The following ARHGAP15 variants were observed in gnomAD, a reference collection of about 807,000 sequenced individuals.
The protein encoded by ARHGAP15 is Rho GTPase activating protein 15.
In ARHGAP15, 51 loss-of-function variants were observed where a neutral mutation model predicts 63.7. That is an observed-to-expected ratio of 0.80 (90% CI 0.64 to 1.01). The LOEUF (loss-of-function observed/expected upper bound fraction) is 1.01, where lower values mean the gene tolerates loss of function less well. Ranked by LOEUF, ARHGAP15 falls within the 50% of genes least tolerant of loss-of-function variation. The pLI is 0.00. For synonymous variants in ARHGAP15, 191 were observed against 193.8 expected, an observed-to-expected ratio of 0.99 and a Z score of 0.12; for missense variants, 560 against 564.6, an observed-to-expected ratio of 0.99 and a Z score of 0.08.
At chr2:143,531,006 G>T (rs1349371277) in intron 10 of ARHGAP15, among the ~76,000 whole-genome samples, 5 of 152,200 alleles carry the variant, frequency 3.3e-5, no homozygotes, top group Admixed American at 6.5e-5. Context: ...AATGTGGTGA[G>T]GAGTGGACAG....
At chr2:143,438,233 C>T (rs1689700532) in intron 8 of ARHGAP15, among the ~76,000 whole-genome samples, 1 of 150,922 alleles carries the variant, frequency 6.6e-6, no homozygotes, top group Non-Finnish European at 1.5e-5. Flanking sequence ...AGAAGAGCTG[C>T]TAATGGAATA....
At chr2:143,512,521 A>C (rs1420024613) in intron 9 of ARHGAP15, among the ~76,000 whole-genome samples, 1 of 152,238 alleles carries the variant, frequency 6.6e-6, no homozygotes, top group African/African-American at 2.4e-5. Context: ...TACTCTTCCT[A>C]GCCAGTGTCA....
intron 8 of ARHGAP15, among the ~76,000 whole-genome samples, chr2:143,482,232 T>TAAATAC (rs1692112717): frequency 2.0e-5 from 3 of 152,152 alleles, no homozygotes; most frequent in Non-Finnish European, 4.4e-5. Flanking sequence ...GCTCTATTTA[T>TAAATAC]TTTCAAATAA....
At chr2:143,717,970 C>T (rs917933594) in intron 13 of ARHGAP15, among the ~76,000 whole-genome samples, 1 of 151,762 alleles carries the variant, frequency 6.6e-6, no homozygotes, top group African/African-American at 2.4e-5. Flanking sequence ...AACAGGAAGC[C>T]GTGACAAGGT....
intron 13 of ARHGAP15, among the ~76,000 whole-genome samples, chr2:143,744,857 C>G (rs529416711): frequency 6.6e-6 from 1 of 152,082 alleles, no homozygotes; most frequent in East Asian, 1.9e-4. Flanking sequence ...AATGTACATC[C>G]GTTGGGAACT....
intron 9 of ARHGAP15, among the ~76,000 whole-genome samples, chr2:143,490,000 T>C (rs1692509055): frequency 6.6e-6 from 1 of 152,114 alleles, no homozygotes. Context: ...TTTTTGTTTT[T>C]GTTTTTGTTT....
intron 3 of ARHGAP15, among the ~76,000 whole-genome samples, chr2:143,205,551 CT>C (rs1301114115): frequency 6.6e-6 from 1 of 152,018 alleles, no homozygotes; most frequent in Non-Finnish European, 1.5e-5. Context: ...AATTTAATGG[CT>C]TTTGTTTTCA....
At chr2:143,720,344 C>T (rs1684992948) in intron 13 of ARHGAP15, among the ~76,000 whole-genome samples, 1 of 152,076 alleles carries the variant, frequency 6.6e-6, no homozygotes, top group Non-Finnish European at 1.5e-5. Flanking sequence ...TCAGCCAGGA[C>T]GCCGAGGTTA....
intron 6 of ARHGAP15, among the ~76,000 whole-genome samples, chr2:143,359,531 A>G (rs890067606): frequency 6.6e-6 from 1 of 152,112 alleles, no homozygotes; most frequent in South Asian, 2.1e-4. Context: ...TCATCCCTCA[A>G]TATGTCCTTT....
chr2:143,306,856 C>G (rs1683197243), intron 6 of ARHGAP15, among the ~76,000 whole-genome samples: 1 of 152,126 alleles, frequency 6.6e-6, no homozygotes, highest in South Asian at 2.1e-4. Flanking sequence ...TCACAAATCA[C>G]AAACTTGACA....
At chr2:143,701,037 T>C (rs1006199435) in intron 12 of ARHGAP15, among the ~76,000 whole-genome samples, 2 of 152,062 alleles carry the variant, frequency 1.3e-5, no homozygotes, top group African/African-American at 4.8e-5. Flanking sequence ...TTTGCAGTTG[T>C]CCAAGCCATA....
At chr2:143,258,273 A>C in intron 6 of ARHGAP15, among the ~76,000 whole-genome samples, 1 of 151,990 alleles carries the variant, frequency 6.6e-6, no homozygotes, top group East Asian at 1.9e-4. Context: ...ATATGTATTC[A>C]GTGTTTATAT....
At chr2:143,213,200 G>A (rs1472454122) in intron 3 of ARHGAP15, among the ~76,000 whole-genome samples, 1 of 152,086 alleles carries the variant, frequency 6.6e-6, no homozygotes, top group Non-Finnish European at 1.5e-5. Context: ...GAATGAATAA[G>A]TGTACATCAA....
At chr2:143,446,846 T>G (rs916663904) in intron 8 of ARHGAP15, among the ~76,000 whole-genome samples, 11 of 148,198 alleles carry the variant, frequency 7.4e-5, no homozygotes, top group Non-Finnish European at 1.2e-4. Context: ...TTCTCATTGT[T>G]CAGTTCCCAC....
At chr2:143,435,807 GAGAGGGATTA>G in intron 7 of ARHGAP15, 108 bp downstream of exon 7, 1 of 1,113,390 alleles carries the variant, frequency 9.0e-7, no homozygotes, top group South Asian at 1.7e-5. Flanking sequence ...CCTATGGACT[GAGAGGGATTA>G]AGTTCTTTTA....
intron 11 of ARHGAP15, among the ~76,000 whole-genome samples, chr2:143,577,605 T>C (rs1472396905): frequency 1.3e-5 from 2 of 152,170 alleles, no homozygotes; most frequent in African/African-American, 4.8e-5. Context: ...GGTTGTAAAA[T>C]GACCACCAGC....
At chr2:143,562,123 A>G (rs1372448808) in intron 11 of ARHGAP15, among the ~76,000 whole-genome samples, 1 of 152,204 alleles carries the variant, frequency 6.6e-6, no homozygotes, top group Non-Finnish European at 1.5e-5. Context: ...AAAACAAACT[A>G]TTAGAAAAAC....
At chr2:143,556,306 G>A (rs1695795251) in intron 10 of ARHGAP15, 102 bp from the exon 11 acceptor site, 1 of 876,188 alleles carries the variant, frequency 1.1e-6, no homozygotes. Flanking sequence ...GGTTTTATCT[G>A]AGAAGAATAG....
At chr2:143,265,221 ATT>A (rs55917586) in intron 6 of ARHGAP15, among the ~76,000 whole-genome samples, 32,043 of 146,612 alleles carry the variant, frequency 0.22, 3,771 homozygotes, top group South Asian at 0.35. Context: ...TATATCTGTG[ATT>A]TTTTTTTTTT....
Sources: gnomAD v4.1 joint callset for allele counts (sites outside exome capture counted in the v4.1 genomes callset) on GRCh38, gnomAD v4.1.1 for gene constraint, MANE v1.5 for transcripts, NCBI Gene and HGNC (gene_info 2026-07-23, HGNC 2026-07-21) for gene names.